Variants in GARNL3 observed in about 807,000 individuals in gnomAD.
GARNL3 encodes the protein GTPase activating Rap/RanGAP domain like 3.
In GARNL3, 63 loss-of-function variants were observed where a neutral mutation model predicts 125.0. That is an observed-to-expected ratio of 0.50 (90% CI 0.41 to 0.62). GARNL3 has a LOEUF of 0.62. GARNL3 is among the 20% of genes least tolerant of loss of function. The probability of loss-of-function intolerance (pLI) is 0.00; values close to 1 mark genes in which losing one functional copy is unlikely to be tolerated. For missense variants in GARNL3, 994 were observed against 1,244.0 expected (o/e 0.80, Z 3.02); for synonymous variants, 439 against 457.5 (o/e 0.96, Z 0.52).
At chr9:127,306,585 G>T (rs991287991) in intron 2 of GARNL3, among the ~76,000 whole-genome samples, 4 of 152,146 alleles carry the variant, frequency 2.6e-5, no homozygotes, top group African/African-American at 9.7e-5. Context: ...AAATTAGCCG[G>T]GCGTGGTGGC....
At position 127,338,309 on chromosome 9, in the gene GARNL3, T is replaced by C. The variant is rs923432356; in HGVS notation, c.1028+148T>C. 63 of 678,714 alleles carry C rather than the reference T, an allele frequency of 9.3e-5. No homozygotes were observed. The African/African-American group carries it at 1.0e-3, about 11-fold the overall frequency. The allele number at this position is 678,714 out of a possible 1,614,324, so 42.0% of individuals were successfully genotyped here. On this transcript the variant is annotated intron_variant, in intron 12 of 27. Coordinates refer to ENST00000373387, the MANE Select transcript of GARNL3 (RefSeq NM_032293.5). The stretch of plus-strand genomic sequence containing the variant: ...TACAAAACTTTCTTCAAGGCCACCA[T>C]CTCTTCAGGAAACATTTACTCCATC...
chr9:127,319,457 G>C (rs1341708905), intron 5 of GARNL3, among the ~76,000 whole-genome samples: 1 of 151,936 alleles, frequency 6.6e-6, no homozygotes, highest in Non-Finnish European at 1.5e-5. Flanking sequence ...ACTCTAACCT[G>C]GGTGACAGAG....
chr9:127,318,261 T>C, intron 5 of GARNL3, 134 bp downstream of exon 5: 1 of 701,786 alleles, frequency 1.4e-6, no homozygotes, highest in Admixed American at 2.0e-5. Flanking sequence ...TGCTAAGCAC[T>C]TGACATGACG....
intron 25 of GARNL3, chr9:127,388,495 G>C (rs991774633): frequency 5.5e-5 from 13 of 236,920 alleles, no homozygotes; most frequent in Non-Finnish European, 1.0e-4. Context: ...CACTCTATCT[G>C]GCTTTGCCCG....
chr9:127,346,792 G>T (rs930956979), intron 16 of GARNL3, among the ~76,000 whole-genome samples: 1 of 152,158 alleles, frequency 6.6e-6, no homozygotes, highest in East Asian at 1.9e-4. Context: ...GTTCCCAAGT[G>T]TTCTGTGCCC....
intron 1 of GARNL3, among the ~76,000 whole-genome samples, chr9:127,269,937 G>A (rs956225542): frequency 6.6e-6 from 1 of 151,852 alleles, no homozygotes; most frequent in African/African-American, 2.4e-5. Context: ...TTTTAATTTT[G>A]ATGAAGTAAA....
intron 2 of GARNL3, among the ~76,000 whole-genome samples, chr9:127,305,016 G>A (rs973227138): frequency 1.6e-4 from 24 of 152,226 alleles, no homozygotes; most frequent in Admixed American, 1.1e-3. Context: ...AAGGATAAAC[G>A]CCTGACTCAA....
chr9:127,371,667 A>G (rs1831613833), intron 22 of GARNL3, among the ~76,000 whole-genome samples: 1 of 152,232 alleles, frequency 6.6e-6, no homozygotes, highest in Non-Finnish European at 1.5e-5. Context: ...TTTCAATGTC[A>G]TAGTTTTTGG....
At chr9:127,237,850 C>T (rs1480277267) in intron 1 of GARNL3, among the ~76,000 whole-genome samples, 1 of 152,198 alleles carries the variant, frequency 6.6e-6, no homozygotes, top group Admixed American at 6.5e-5. Flanking sequence ...AAAAGTGTCT[C>T]TAGAAGCACT....
intron 22 of GARNL3, among the ~76,000 whole-genome samples, chr9:127,368,814 A>C (rs1831444061): frequency 6.6e-6 from 1 of 152,000 alleles, no homozygotes; most frequent in South Asian, 2.1e-4. Flanking sequence ...GCGCGCCTGT[A>C]GTCCTATCTA....
chr9:127,299,188 G>A (rs1433368442), intron 2 of GARNL3, among the ~76,000 whole-genome samples: 1 of 151,714 alleles, frequency 6.6e-6, no homozygotes, highest in Non-Finnish European at 1.5e-5. Flanking sequence ...GTGCTGGCGG[G>A]TGCCTGTAGA....
Position 127,387,197 on chromosome 9 carries a change from A to G in GARNL3, c.2393A>G (p.Asp798Gly), listed in dbSNP as rs759506163. The change falls in exon 25 of 28, where the codon GAT becomes GGT. Residue 798 changes from aspartate to glycine, a missense_variant. By Grantham distance (94) the Asp-to-Gly change is moderately conservative. This residue lies in a region of GARNL3 where 728 missense variants were observed against 865.7 expected (regional missense o/e 0.84). Coordinates refer to ENST00000373387, the MANE Select transcript of GARNL3 (RefSeq NM_032293.5). ...ATGCTCTCTCTTCCTTTCTAGTCGG[A>G]TATATACTTCACAGCAACTGCAGCT... ...PQLQLVASRS[D>G]IYFTATAAVN... 2 of 1,612,990 alleles carry G rather than the reference A, an allele frequency of 1.2e-6. No individual in the cohort carries two copies. The highest frequency in any genetic ancestry group is 1.7e-6 in the Non-Finnish European group (2 of 1,179,676).
intron 2 of GARNL3, among the ~76,000 whole-genome samples, chr9:127,305,778 C>A (rs960126359): frequency 4.0e-5 from 6 of 151,668 alleles, no homozygotes; most frequent in Admixed American, 6.6e-5. Flanking sequence ...TTATTTATTT[C>A]TTGTAAAGAC....
chr9:127,289,222 C>G (rs1405429616), intron 1 of GARNL3, among the ~76,000 whole-genome samples: 1 of 152,182 alleles, frequency 6.6e-6, no homozygotes, highest in Admixed American at 6.5e-5. Flanking sequence ...TAGAGACAGT[C>G]CACCAGATTA....
rs760529889 is a variant in GARNL3 at position 127,384,467 on chromosome 9, G to T, written c.2270-560G>T. Reference sequence around the variant, plus strand: ...GTCATCCAAATCATTTCAAGCAGAGGGGCCAGCCCTTAACAAATAACTCAG... The same window carrying T: ...GTCATCCAAATCATTTCAAGCAGAGTGGCCAGCCCTTAACAAATAACTCAG... On this transcript the variant is annotated intron_variant, in intron 23 of 27. Transcript: ENST00000373387. This position sits in a 1 kb window ranked among gnomAD's most constrained non-coding sequence, Gnocchi z 4.0. 1.5e-4 allele frequency among the ~76,000 whole-genome samples: 23 copies of T among 152,140 alleles called. No individual in the cohort carries two copies. Among genetic ancestry groups the T allele is most frequent in the Non-Finnish European group, 2.8e-4 (19 of 68,028 alleles).
At chr9:127,370,496 A>T (rs1831549387) in intron 22 of GARNL3, among the ~76,000 whole-genome samples, 1 of 152,204 alleles carries the variant, frequency 6.6e-6, no homozygotes, top group South Asian at 2.1e-4. Flanking sequence ...ACCATGGCCC[A>T]GCTCTCTGGC....
intron 22 of GARNL3, among the ~76,000 whole-genome samples, chr9:127,369,742 G>C (rs983511759): frequency 5.3e-5 from 8 of 152,318 alleles, no homozygotes; most frequent in African/African-American, 1.9e-4. Context: ...TCAGAGACTT[G>C]CTTTAAGGGA....
chr9:127,320,788 A>C lies in GARNL3; in HGVS notation c.567+10A>C. The C allele has an allele frequency of 1.3e-6, 2 of 1,558,696 alleles. No homozygotes were observed. The highest frequency in any genetic ancestry group is 2.7e-5 in the African/African-American group (2 of 73,926). Reference sequence around the variant, plus strand: ...TCCTGAAATACAAAAGGTAACAGAAAATTTTATGCTTCATAATTGTACAAA... The same window carrying C: ...TCCTGAAATACAAAAGGTAACAGAACATTTTATGCTTCATAATTGTACAAA... On this transcript the variant is annotated intron_variant, in intron 6 of 27. Coordinates refer to ENST00000373387, the MANE Select transcript of GARNL3 (RefSeq NM_032293.5).
intron 22 of GARNL3, among the ~76,000 whole-genome samples, chr9:127,378,257 A>T (rs1832037866): frequency 6.6e-6 from 1 of 151,864 alleles, no homozygotes; most frequent in Non-Finnish European, 1.5e-5. Context: ...AAAAAAAAAA[A>T]AAAAATCATT....
Sources: allele counts gnomAD v4.1 joint callset (sites outside exome capture counted in the v4.1 genomes callset), GRCh38; gene constraint gnomAD v4.1.1; regional missense constraint gnomAD v4.1.1; non-coding constraint Gnocchi (gnomAD v3.1); transcripts MANE v1.5; gene names NCBI Gene and HGNC (gene_info 2026-07-23, HGNC 2026-07-21).